The following GABRB2 variants were observed in gnomAD, a reference collection of about 807,000 sequenced individuals.
GABRB2 encodes the protein gamma-aminobutyric acid receptor subunit beta-2.
Under a neutral mutation model 54.7 loss-of-function variants are expected in GABRB2, and 16 were observed. The ratio of observed to expected loss-of-function variants is 0.29; its 90% CI spans 0.20 to 0.44. The LOEUF (loss-of-function observed/expected upper bound fraction) is 0.44. Among genes scored for constraint, GABRB2 ranks in the 20% least tolerant of loss-of-function variants. The probability of loss-of-function intolerance (pLI) is 1.00; values close to 1 mark genes in which losing one functional copy is unlikely to be tolerated. For synonymous variants in GABRB2, 244 were observed against 233.8 expected, an observed-to-expected ratio of 1.04 and a Z score of -0.40; for missense variants, 355 against 644.0, an observed-to-expected ratio of 0.55 and a Z score of 4.86.
At chr5:161,459,905 C>G (rs1374796500) in intron 3 of GABRB2, 61 bp from the exon 4 acceptor site, 2 of 885,048 alleles carry the variant, frequency 2.3e-6, no homozygotes, top group East Asian at 4.9e-5. Flanking sequence ...GGGGGATAAG[C>G]AAACATCTCA....
intron 3 of GABRB2, among the ~76,000 whole-genome samples, chr5:161,460,052 C>T (rs1007087630): frequency 6.6e-6 from 1 of 152,352 alleles, no homozygotes; most frequent in Non-Finnish European, 1.5e-5. Context: ...TCAAGCAATT[C>T]TCCTGCCTCA....
intron 4 of GABRB2, among the ~76,000 whole-genome samples, chr5:161,441,584 T>C (rs1204238652): frequency 6.6e-6 from 1 of 152,176 alleles, no homozygotes; most frequent in East Asian, 1.9e-4. Flanking sequence ...TACCATATGA[T>C]CAGCTATCGC....
Position 161,325,002 on chromosome 5 carries a change from T to A in GABRB2, c.1191+1366A>T, listed in dbSNP as rs540245075. 3.3e-5 allele frequency among the ~76,000 whole-genome samples: 5 copies of A among 152,184 alleles called. No homozygotes were observed. In the South Asian group the frequency reaches 1.0e-3, roughly 32 times the overall value. On this transcript the variant is annotated intron_variant, in intron 9 of 9. Coordinates refer to ENST00000393959, the MANE Select transcript of GABRB2 (RefSeq NM_001371727.1). ...GAGCAAATTTTCAAAAATATCCTCATCATCTGAGGATATCCTGAATTTTCA... is the reference window on the plus strand; with the variant it reads ...GAGCAAATTTTCAAAAATATCCTCAACATCTGAGGATATCCTGAATTTTCA...
chr5:161,438,538 C>T lies in GABRB2; in HGVS notation c.458+21086G>A, dbSNP rs570514058. ...CACCATCCAGGAAAACATGACCTCACCAAATGAATGAAATAAGTCACCAGA... is the reference window on the plus strand; with the variant it reads ...CACCATCCAGGAAAACATGACCTCATCAAATGAATGAAATAAGTCACCAGA... On this transcript the variant is annotated intron_variant, in intron 4 of 9. Transcript: ENST00000393959. 6.6e-5 allele frequency among the ~76,000 whole-genome samples: 10 copies of T among 152,096 alleles called. No homozygotes were observed. The East Asian group carries it at 1.9e-3, about 29-fold the overall frequency.
At chr5:161,490,271 G>C (rs1175219023) in intron 3 of GABRB2, among the ~76,000 whole-genome samples, 2 of 151,540 alleles carry the variant, frequency 1.3e-5, no homozygotes, top group Non-Finnish European at 3.0e-5. Context: ...TTGAGAGATA[G>C]AATAAACATA....
At chr5:161,348,165 T>C (rs1208708336) in intron 5 of GABRB2, among the ~76,000 whole-genome samples, 1 of 152,080 alleles carries the variant, frequency 6.6e-6, no homozygotes, top group African/African-American at 2.4e-5. Context: ...GCAACATTAT[T>C]AAGGATTACA....
In GABRB2 at chr5:161,328,364, C is replaced by G. The variant is rs1193405180; in HGVS notation, c.1078-1883G>C. On this transcript the variant is annotated intron_variant, in intron 8 of 9. Transcript: ENST00000393959. The stretch of plus-strand genomic sequence containing the variant: ...ATTTTAATATTTTATTAATATTTAT[C>G]ACTTCCTGAGTGCTTACCATGTATT... Among the ~76,000 whole-genome samples the G allele has an allele frequency of 5.9e-5, 9 of 152,182 alleles. No individual in the cohort carries two copies. The East Asian group carries it at 1.7e-3, about 29-fold the overall frequency.
chr5:161,512,902 A>T (rs890359973), intron 3 of GABRB2, among the ~76,000 whole-genome samples: 4 of 152,192 alleles, frequency 2.6e-5, no homozygotes, highest in Middle Eastern at 3.4e-3. Context: ...AAATATGTTC[A>T]GACACTTCTC....
In GABRB2 at chr5:161,512,542, C is replaced by A. The variant is rs188738309; in HGVS notation, c.237+32685G>T. On this transcript the variant is annotated intron_variant, in intron 3 of 9. Transcript: ENST00000393959. ...CAGAAGAATGAAATGGGTCACCTAC[C>A]TTTCCCATACAAAAAAACTAATTCA... is the stretch of plus-strand genomic sequence containing the variant. Among the ~76,000 whole-genome samples the A allele has an allele frequency of 9.2e-4, 140 of 152,040 alleles. 1 individual carries two copies. Among genetic ancestry groups the A allele is most frequent in the African/African-American group, 3.2e-3 (131 of 41,516 alleles).
intron 3 of GABRB2, among the ~76,000 whole-genome samples, chr5:161,497,656 A>G (rs186724579): frequency 6.6e-6 from 1 of 152,082 alleles, no homozygotes; most frequent in African/African-American, 2.4e-5. Context: ...GAGACAGCAC[A>G]ATCAAGACAA....
chr5:161,471,384 C>G (rs1241238655), intron 3 of GABRB2, among the ~76,000 whole-genome samples: 3 of 151,940 alleles, frequency 2.0e-5, no homozygotes, highest in African/African-American at 7.2e-5. Context: ...GAGTAAAACT[C>G]AGCTCCCCCT....
At chr5:161,318,974 T>A (rs1346721862) in intron 9 of GABRB2, among the ~76,000 whole-genome samples, 1 of 151,994 alleles carries the variant, frequency 6.6e-6, no homozygotes, top group South Asian at 2.1e-4. Context: ...CTGTGGGAAC[T>A]TCCCAAACTT....
In GABRB2 at chr5:161,331,114, G is replaced by C; in HGVS notation, c.846C>G (p.Val282=). ...AARVALGITT[V]LTMTTINTHL... is the part of the protein sequence containing the mutation. ...GGGTGTTGATTGTGGTCATTGTGAG[G>C]ACAGTTGTGATTCCTGAAAAAAAAT... The change falls in exon 8 of 10, where the codon GTC becomes GTG. Residue 282 remains valine (V), a synonymous_variant. Coordinates refer to ENST00000393959, the MANE Select transcript of GABRB2 (RefSeq NM_001371727.1). 1.3e-6 allele frequency: 2 copies of C among 1,571,482 alleles called. No individual in the cohort carries two copies. Among genetic ancestry groups the C allele is most frequent in the Non-Finnish European group, 1.7e-6 (2 of 1,157,400 alleles).
intron 3 of GABRB2, among the ~76,000 whole-genome samples, chr5:161,468,985 AT>A (rs1472188782): frequency 9.2e-5 from 14 of 151,946 alleles, no homozygotes; most frequent in African/African-American, 3.4e-4. Flanking sequence ...ATAACATCTT[AT>A]TATATTATTA....
At chr5:161,478,630 A>C (rs2113319320) in intron 3 of GABRB2, among the ~76,000 whole-genome samples, 1 of 152,114 alleles carries the variant, frequency 6.6e-6, no homozygotes, top group South Asian at 2.1e-4. Context: ...TTGGGAGAGG[A>C]TTGGGAAGAC....
At chr5:161,351,587 G>A (rs966019173) in intron 5 of GABRB2, among the ~76,000 whole-genome samples, 1 of 151,996 alleles carries the variant, frequency 6.6e-6, no homozygotes, top group Non-Finnish European at 1.5e-5. Context: ...ACCTAAAAAT[G>A]TAAAACTACT....
intron 4 of GABRB2, among the ~76,000 whole-genome samples, chr5:161,425,804 AAATAAT>A (rs1756981075): frequency 6.6e-6 from 1 of 152,128 alleles, no homozygotes; most frequent in Non-Finnish European, 1.5e-5. Context: ...TTTTTCATAG[AAATAAT>A]GGGGTACCAT....
chr5:161,408,989 G>A (rs1056520498), intron 5 of GABRB2, among the ~76,000 whole-genome samples: 8 of 152,002 alleles, frequency 5.3e-5, no homozygotes, highest in African/African-American at 1.9e-4. Flanking sequence ...ATAAAGCCTG[G>A]ATATCATGTA....
chr5:161,463,855 G>A (rs962679560), intron 3 of GABRB2, among the ~76,000 whole-genome samples: 1 of 151,252 alleles, frequency 6.6e-6, no homozygotes, highest in Non-Finnish European at 1.5e-5. Context: ...ATAACAAAAG[G>A]TTTGGATCAA....
Sources: allele counts gnomAD v4.1 joint callset (sites outside exome capture counted in the v4.1 genomes callset), GRCh38; gene constraint gnomAD v4.1.1; transcripts MANE v1.5; gene names NCBI Gene and HGNC (gene_info 2026-07-23, HGNC 2026-07-21).